The following GSK3B variants were observed in gnomAD, a reference collection of about 807,000 sequenced individuals.
GSK3B encodes the protein glycogen synthase kinase 3 beta.
GSK3B carries 15 observed loss-of-function variants against 56.4 expected under a neutral mutation model. The observed-to-expected ratio is 0.27, with a 90% CI of 0.18 to 0.41. The LOEUF is 0.41. Among genes scored for constraint, GSK3B ranks in the 10% least tolerant of loss-of-function variants. The probability of loss-of-function intolerance (pLI) is 1.00; values close to 1 mark genes in which losing one functional copy is unlikely to be tolerated. For synonymous variants in GSK3B, 181 were observed against 188.9 expected, an observed-to-expected ratio of 0.96 and a Z score of 0.34; for missense variants, 300 against 513.4, an observed-to-expected ratio of 0.58 and a Z score of 4.02.
chr3:119,847,340 C>T (rs2055869744), intron 9 of GSK3B, among the ~76,000 whole-genome samples: 1 of 151,952 alleles, frequency 6.6e-6, no homozygotes, highest in Non-Finnish European at 1.5e-5. Flanking sequence ...ATTAGCCTGG[C>T]GTGGTGGCAC....
intron 2 of GSK3B, among the ~76,000 whole-genome samples, chr3:119,993,081 A>C (rs1331824822): frequency 6.6e-6 from 1 of 151,928 alleles, no homozygotes; most frequent in Non-Finnish European, 1.5e-5. Flanking sequence ...GCCAGGAAAT[A>C]TAGCTTAAAG....
chr3:119,850,016 G>A (rs2055905852), intron 9 of GSK3B, among the ~76,000 whole-genome samples: 1 of 150,640 alleles, frequency 6.6e-6, no homozygotes, highest in South Asian at 2.1e-4. Context: ...TTTTATAGAT[G>A]TAAATCTATA....
At chr3:119,989,506 G>C (rs772188602) in intron 2 of GSK3B, among the ~76,000 whole-genome samples, 1 of 151,780 alleles carries the variant, frequency 6.6e-6, no homozygotes, top group Non-Finnish European at 1.5e-5. Context: ...TTAGCCGGGC[G>C]TACAGGCAGG....
chr3:119,902,911 C>T (rs910089658), intron 7 of GSK3B, among the ~76,000 whole-genome samples: 34 of 152,034 alleles, frequency 2.2e-4, no homozygotes, highest in African/African-American at 8.0e-4. Context: ...GACTGGGTTT[C>T]GCCATGTTCC....
At chr3:119,985,780 A>G (rs1324992547) in intron 2 of GSK3B, among the ~76,000 whole-genome samples, 1 of 152,218 alleles carries the variant, frequency 6.6e-6, no homozygotes, top group East Asian at 1.9e-4. Context: ...TATAGATTCA[A>G]TGTCATCCCC....
intron 1 of GSK3B, among the ~76,000 whole-genome samples, chr3:120,053,358 C>T (rs757485414): frequency 6.6e-6 from 1 of 151,998 alleles, no homozygotes; most frequent in Non-Finnish European, 1.5e-5. Context: ...AAAACTACAT[C>T]TATCACAGAG....
chr3:120,041,362 T>C, intron 1 of GSK3B: 3 of 318,838 alleles, frequency 9.4e-6, no homozygotes, highest in Non-Finnish European at 1.3e-5. Flanking sequence ...AGTAGAGATG[T>C]CCATAAGATG....
intron 1 of GSK3B, among the ~76,000 whole-genome samples, chr3:120,053,161 A>C (rs1559892668): frequency 1.3e-5 from 2 of 152,134 alleles, no homozygotes; most frequent in African/African-American, 2.4e-5. Flanking sequence ...ACATGGTGAA[A>C]CCTCTTCTCT....
chr3:119,922,530 T>A (rs556632040), intron 4 of GSK3B, among the ~76,000 whole-genome samples: 22 of 148,882 alleles, frequency 1.5e-4, no homozygotes, highest in Admixed American at 2.7e-4. Context: ...CTATTATTAT[T>A]ATTATTATTA....
chr3:119,915,613 T>C (rs1431718315), intron 5 of GSK3B, among the ~76,000 whole-genome samples: 3 of 152,028 alleles, frequency 2.0e-5, no homozygotes, highest in African/African-American at 7.3e-5. Flanking sequence ...ATACAATACA[T>C]ATACTCTTGA....
intron 3 of GSK3B, among the ~76,000 whole-genome samples, chr3:119,935,859 A>C (rs930440735): frequency 6.6e-6 from 1 of 152,222 alleles, no homozygotes; most frequent in Non-Finnish European, 1.5e-5. Context: ...CTCTTAACAA[A>C]GTACTGTTTA....
At chr3:119,865,618 C>T (rs2056172334) in intron 8 of GSK3B, among the ~76,000 whole-genome samples, 3 of 150,614 alleles carry the variant, frequency 2.0e-5, no homozygotes, top group Admixed American at 6.6e-5. Context: ...TACAGGCGCC[C>T]GCCACCACAC....
At chr3:119,917,120 A>G (rs569956280) in intron 4 of GSK3B, among the ~76,000 whole-genome samples, 2 of 152,234 alleles carry the variant, frequency 1.3e-5, no homozygotes, top group East Asian at 3.9e-4. Flanking sequence ...AAGATAATAA[A>G]TATCTTGGTA....
intron 2 of GSK3B, among the ~76,000 whole-genome samples, chr3:119,958,315 G>A (rs1180344026): frequency 1.4e-5 from 2 of 142,878 alleles, no homozygotes; most frequent in African/African-American, 2.6e-5. Context: ...TTACAGCAGT[G>A]TGAGAATGGA....
At chr3:120,089,755 A>G (rs1040696825) in intron 1 of GSK3B, among the ~76,000 whole-genome samples, 2 of 152,194 alleles carry the variant, frequency 1.3e-5, no homozygotes, top group African/African-American at 4.8e-5. Context: ...AGTGCCACAA[A>G]CAGTCCCTTA....
intron 2 of GSK3B, among the ~76,000 whole-genome samples, chr3:119,948,238 CT>C (rs1224123600): frequency 1.3e-5 from 2 of 152,028 alleles, no homozygotes; most frequent in Non-Finnish European, 2.9e-5. Flanking sequence ...AAGTATACAC[CT>C]GAGAATCTGG....
At chr3:120,086,694 T>C (rs1428245818) in intron 1 of GSK3B, among the ~76,000 whole-genome samples, 1 of 151,794 alleles carries the variant, frequency 6.6e-6, no homozygotes, top group Non-Finnish European at 1.5e-5. Flanking sequence ...ACTCCAGAGG[T>C]TGAGGTTAAA....
At chr3:119,832,690 GTCTATGGC>G (rs1313845015) in intron 10 of GSK3B, among the ~76,000 whole-genome samples, 1 of 152,146 alleles carries the variant, frequency 6.6e-6, no homozygotes, top group African/African-American at 2.4e-5. Context: ...TTTCTGAAAA[GTCTATGGC>G]TCTATGGCTT....
chr3:119,956,847 A>C (rs1000916022), intron 2 of GSK3B, among the ~76,000 whole-genome samples: 5 of 152,208 alleles, frequency 3.3e-5, no homozygotes, highest in Non-Finnish European at 7.3e-5. Flanking sequence ...ATACCCTTGA[A>C]CAGGGGCAAA....
Sources: allele counts gnomAD v4.1 joint callset (sites outside exome capture counted in the v4.1 genomes callset), GRCh38; gene constraint gnomAD v4.1.1; transcripts MANE v1.5; gene names NCBI Gene and HGNC (gene_info 2026-07-23, HGNC 2026-07-21).